AATF: variants seen among roughly 807,000 people sequenced by gnomAD.
AATF encodes the protein apoptosis antagonizing transcription factor.
In AATF, 48 loss-of-function variants were observed where a neutral mutation model predicts 63.7. That is an observed-to-expected ratio of 0.75 (90% confidence interval 0.60 to 0.96). The LOEUF is 0.96. Among genes scored for constraint, AATF ranks in the 40% least tolerant of loss-of-function variants. The pLI, the probability that AATF is intolerant of heterozygous loss-of-function variation, is 0.00. For synonymous variants in AATF, 258 were observed against 247.7 expected (o/e 1.04, Z -0.39); for missense variants, 639 against 685.7 (o/e 0.93, Z 0.76).
chr17:36,962,981 T>C (rs1042333876), intron 4 of AATF, among the ~76,000 whole-genome samples: 48 of 151,472 alleles, frequency 3.2e-4, no homozygotes, highest in Non-Finnish European at 4.4e-5. Flanking sequence ...GAGCCGGGAG[T>C]GGTGGCGGAT....
chr17:37,017,791 T>G (rs1485492400), intron 8 of AATF, among the ~76,000 whole-genome samples: 1 of 152,228 alleles, frequency 6.6e-6, no homozygotes, highest in Non-Finnish European at 1.5e-5. Context: ...AAGTGAATAT[T>G]TTTTATAAAT....
At chr17:36,974,609 T>A (rs2071065837) in intron 4 of AATF, among the ~76,000 whole-genome samples, 1 of 152,236 alleles carries the variant, frequency 6.6e-6, no homozygotes, top group Non-Finnish European at 1.5e-5. Flanking sequence ...CCTTTTTATA[T>A]GAGTGTCAGT....
intron 10 of AATF, chr17:37,031,283 T>C (rs541851713): frequency 3.3e-6 from 1 of 299,644 alleles, no homozygotes; most frequent in East Asian, 6.2e-5. Flanking sequence ...TTGCATTAAG[T>C]ATTTTAAGTA....
intron 1 of AATF, among the ~76,000 whole-genome samples, chr17:36,949,480 A>G (rs1046770685): frequency 5.9e-5 from 9 of 152,250 alleles, no homozygotes; most frequent in African/African-American, 2.2e-4. Flanking sequence ...CTTCAGGTTT[A>G]CTTGCTCCAG....
chr17:37,023,542 A>G (rs911912463), intron 10 of AATF, among the ~76,000 whole-genome samples: 1 of 145,920 alleles, frequency 6.9e-6, no homozygotes, highest in African/African-American at 2.5e-5. Flanking sequence ...ACAGAGTTTA[A>G]AAAGAGGCAT....
intron 11 of AATF, among the ~76,000 whole-genome samples, chr17:37,048,221 G>A (rs926625355): frequency 5.9e-5 from 9 of 152,052 alleles, no homozygotes; most frequent in African/African-American, 9.6e-5. Context: ...CTTTTTGGCC[G>A]TATTCAGAAA....
intron 10 of AATF, among the ~76,000 whole-genome samples, chr17:37,024,122 C>A (rs2071493672): frequency 1.3e-5 from 2 of 152,022 alleles, no homozygotes; most frequent in East Asian, 1.9e-4. Context: ...GATGCTGAAC[C>A]CACAGCATCA....
chr17:37,033,935 G>C (rs1418311624), intron 11 of AATF: 2 of 154,578 alleles, frequency 1.3e-5, no homozygotes. Context: ...GTATTTCATT[G>C]GCCAGAACTG....
In AATF at chr17:36,950,248, A is replaced by G. The variant is rs377361842; in HGVS notation, c.126A>G (p.Glu42=). Residue 42 remains glutamate (E), a synonymous_variant, in exon 2 of 12, where the codon GAA becomes GAG. Coordinates refer to ENST00000619387, the MANE Select transcript of AATF (RefSeq NM_012138.4). ...TAARVIDRFD[E]GEDGEGDFLV... The stretch of plus-strand genomic sequence containing the variant: ...CCAGGGTGATTGACAGGTTTGATGA[A>G]GGGGAAGATGGGGAAGGTGATTTCC... 56 of 1,614,014 alleles carry G rather than the reference A, an allele frequency of 3.5e-5. No individual in the cohort carries two copies. The highest frequency in any genetic ancestry group is 3.5e-5 in the Non-Finnish European group (41 of 1,179,994).
At chr17:37,001,780 C>T (rs2071300185) in intron 8 of AATF, among the ~76,000 whole-genome samples, 1 of 152,230 alleles carries the variant, frequency 6.6e-6, no homozygotes, top group African/African-American at 2.4e-5. Flanking sequence ...ACAAGGATGT[C>T]TGCTCTTGCC....
intron 4 of AATF, among the ~76,000 whole-genome samples, chr17:36,977,504 A>G (rs190700878): frequency 1.3e-5 from 2 of 152,150 alleles, no homozygotes; most frequent in East Asian, 3.9e-4. Flanking sequence ...TTATAATATG[A>G]AAGAGTGAGA....
chr17:37,028,477 G>A (rs1044347067), intron 10 of AATF, among the ~76,000 whole-genome samples: 11 of 152,018 alleles, frequency 7.2e-5, no homozygotes, highest in African/African-American at 2.7e-4. Flanking sequence ...ATACATAGAG[G>A]CCTTTTTTAT....
At chr17:36,996,585 C>A (rs2071256778) in intron 8 of AATF, among the ~76,000 whole-genome samples, 1 of 152,206 alleles carries the variant, frequency 6.6e-6, no homozygotes, top group South Asian at 2.1e-4. Flanking sequence ...ATTTTGTATA[C>A]CATGTGTAAG....
At chr17:37,035,541 CT>C (rs767344407) in intron 11 of AATF, among the ~76,000 whole-genome samples, 337 of 142,940 alleles carry the variant, frequency 2.4e-3, no homozygotes, top group Middle Eastern at 0.011. Context: ...GTGTTTCCAA[CT>C]TTTTTTTTTT....
intron 8 of AATF, among the ~76,000 whole-genome samples, chr17:37,015,627 A>G (rs2071423481): frequency 6.6e-6 from 1 of 152,210 alleles, no homozygotes; most frequent in Non-Finnish European, 1.5e-5. Context: ...ATTGGGGATT[A>G]AGTGTTCAAC....
At chr17:36,956,879 A>G (rs1567964161) in intron 4 of AATF, among the ~76,000 whole-genome samples, 1 of 152,074 alleles carries the variant, frequency 6.6e-6, no homozygotes, top group Non-Finnish European at 1.5e-5. Flanking sequence ...TGGGAGGTTG[A>G]GGCAGGAGAA....
chr17:37,022,603 A>G (rs1278332917), intron 10 of AATF, among the ~76,000 whole-genome samples: 1 of 152,178 alleles, frequency 6.6e-6, no homozygotes, highest in African/African-American at 2.4e-5. Flanking sequence ...GCATGGACTT[A>G]AGACCCAGAC....
chr17:36,974,347 A>T (rs1365671772), intron 4 of AATF, among the ~76,000 whole-genome samples: 2 of 152,172 alleles, frequency 1.3e-5, no homozygotes, highest in African/African-American at 4.8e-5. Context: ...ATGATAGCAT[A>T]GAGTTTCCAT....
intron 1 of AATF, among the ~76,000 whole-genome samples, chr17:36,949,499 G>A (rs2070836032): frequency 6.6e-6 from 1 of 152,274 alleles, no homozygotes; most frequent in Non-Finnish European, 1.5e-5. Flanking sequence ...AGGCCTGTTG[G>A]AGGGAGCCAG....
Sources: gnomAD v4.1 joint callset for allele counts (sites outside exome capture counted in the v4.1 genomes callset) on GRCh38, gnomAD v4.1.1 for gene constraint, MANE v1.5 for transcripts, NCBI Gene and HGNC (gene_info 2026-07-23, HGNC 2026-07-21) for gene names.